The following PHF20 variants were observed in gnomAD, a reference collection of about 807,000 sequenced individuals.
The protein encoded by PHF20 is glioma-expressed antigen 2.
Under a neutral mutation model 113.5 loss-of-function variants are expected in PHF20, and 23 were observed. That is an observed-to-expected ratio of 0.20 (90% CI 0.15 to 0.29). PHF20 has a LOEUF of 0.29. Among genes scored for constraint, PHF20 ranks in the 10% least tolerant of loss-of-function variants. PHF20 has a pLI of 1.00. For synonymous variants in PHF20, 434 were observed against 457.3 expected (o/e 0.95, Z 0.65); for missense variants, 943 against 1,219.6 (o/e 0.77, Z 3.38).
rs567022529 is a variant in PHF20 at position 35,865,535 on chromosome 20, C to T, written c.808+2135C>T. On this transcript the variant is annotated intron_variant, in intron 6 of 17. Coordinates refer to ENST00000374012, the MANE Select transcript of PHF20 (RefSeq NM_016436.5). ...TTTTTTTTTTTTTGACAGGGTCTCA[C>T]TCTGTTACCTAGGCTGGAGTGCAGT... 7.6e-5 allele frequency among the ~76,000 whole-genome samples: 9 copies of T among 118,004 alleles called. No homozygotes were observed. In the East Asian group the frequency reaches 2.1e-3, roughly 28 times the overall value. 77.4% of individuals were successfully genotyped at this position (118,004 alleles called of 152,430 possible).
In PHF20 at chr20:35,949,236, G is replaced by C. The variant is rs2056136643; in HGVS notation, c.*1609G>C. 1 of 152,416 alleles carries C rather than the reference G, an allele frequency of 6.6e-6. No individual in the cohort carries two copies. The highest frequency in any genetic ancestry group is 6.5e-5 in the Admixed American group (1 of 15,284). 9.4% of individuals were successfully genotyped at this position (152,416 alleles called of 1,614,324 possible). ...CTCACTGCTAACGTTGGTGTTTCTG[G>C]CGTGGGAAGAAATGCACAGGCGTGC... On this transcript the variant is annotated 3_prime_UTR_variant, in exon 18 of 18. Coordinates refer to ENST00000374012, the MANE Select transcript of PHF20 (RefSeq NM_016436.5).
At chr20:35,859,206 T>G (rs1350353649) in intron 5 of PHF20, among the ~76,000 whole-genome samples, 1 of 152,218 alleles carries the variant, frequency 6.6e-6, no homozygotes, top group Non-Finnish European at 1.5e-5. Flanking sequence ...TCACCATGCA[T>G]GTACTTGCCT....
chr20:35,870,884 T>C lies in PHF20; in HGVS notation c.923-71T>C, dbSNP rs1216483723. ...AAGTCCTTTTAGAGACATCCAGCCCTGAAATCTGTAGTAGCACAGTTATTT... is the reference window on the plus strand; with the variant it reads ...AAGTCCTTTTAGAGACATCCAGCCCCGAAATCTGTAGTAGCACAGTTATTT... On this transcript the variant is annotated intron_variant, in intron 7 of 17. Coordinates refer to ENST00000374012, the MANE Select transcript of PHF20 (RefSeq NM_016436.5). 3.4e-6 allele frequency: 4 copies of C among 1,174,598 alleles called. No individual in the cohort carries two copies. The African/African-American group carries it at 6.2e-5, about 18-fold the overall frequency. The allele number at this position is 1,174,598 out of a possible 1,614,324, so 72.8% of individuals were successfully genotyped here. A position where few individuals can be genotyped will look rare whatever the true frequency, so the allele number is the denominator to read the frequency against.
intron 1 of PHF20, among the ~76,000 whole-genome samples, chr20:35,789,517 G>A (rs2041495293): frequency 6.6e-6 from 1 of 151,730 alleles, no homozygotes; most frequent in Non-Finnish European, 1.5e-5. Context: ...AGGAGTATGG[G>A]TGGTAAGAAC....
intron 12 of PHF20, among the ~76,000 whole-genome samples, chr20:35,916,051 C>CA (rs1227897387): frequency 1.3e-5 from 2 of 152,180 alleles, no homozygotes; most frequent in African/African-American, 2.4e-5. Flanking sequence ...GTGGGAGGAA[C>CA]ACCTCAGCCC....
In PHF20 at chr20:35,848,094, G is replaced by T. The variant is rs544124222; in HGVS notation, c.340+660G>T. Among the ~76,000 whole-genome samples the T allele has an allele frequency of 9.9e-5, 15 of 152,278 alleles. No individual in the cohort carries two copies. The South Asian group carries it at 3.1e-3, about 32-fold the overall frequency. On this transcript the variant is annotated intron_variant, in intron 4 of 17. Transcript: ENST00000374012. Reference sequence around the variant, plus strand: ...AGCACATTCCACTAGGGTGTGTGTGGTCTCCATGATCTCTGAAGTGAGTGT... The same window carrying T: ...AGCACATTCCACTAGGGTGTGTGTGTTCTCCATGATCTCTGAAGTGAGTGT...
intron 6 of PHF20, among the ~76,000 whole-genome samples, chr20:35,865,497 G>GTTT (rs201623482): frequency 0.028 from 2,658 of 96,428 alleles, 188 homozygotes; most frequent in South Asian, 0.053. Context: ...TTTAAGTTGT[G>GTTT]TTTTTTTTTT....
intron 17 of PHF20, 130 bp from the exon 18 acceptor site, chr20:35,947,355 A>G (rs2056103743): frequency 2.4e-6 from 2 of 841,192 alleles, no homozygotes; most frequent in Non-Finnish European, 3.6e-6. Flanking sequence ...CCCTTGCCCC[A>G]TGGAGGCTGA....
At chr20:35,917,708 T>A (rs753689026) in intron 13 of PHF20, 46 bp downstream of exon 13, 2 of 1,530,494 alleles carry the variant, frequency 1.3e-6, no homozygotes, top group Admixed American at 3.9e-5. Flanking sequence ...CACAAACTGG[T>A]CCTTGGAGGG....
In PHF20 at chr20:35,917,533, T is replaced by C. The variant is rs1444194437; in HGVS notation, c.1875T>C (p.Asp625=). ...ESSSESFLWS[D]DEYGQDVDVT... Reference sequence around the variant, plus strand: ...CTTCTGAGAGCTTTCTCTGGAGTGATGATGAGTATGGCCAAGATGTGGATG... The same window carrying C: ...CTTCTGAGAGCTTTCTCTGGAGTGACGATGAGTATGGCCAAGATGTGGATG... Residue 625 remains aspartate (D), a synonymous_variant, in exon 13 of 18, where the codon GAT becomes GAC. Transcript: ENST00000374012. 1 of 1,613,996 alleles carries C rather than the reference T, an allele frequency of 6.2e-7. No homozygotes were observed. The highest frequency in any genetic ancestry group is 8.5e-7 in the Non-Finnish European group (1 of 1,179,996).
Position 35,947,626 on chromosome 20 carries a change from G to A in PHF20, c.3038G>A (p.Ter1013=). 3 of 1,612,912 alleles carry A rather than the reference G, an allele frequency of 1.9e-6. No homozygotes were observed. Among genetic ancestry groups the A allele is most frequent in the Non-Finnish European group, 2.5e-6 (3 of 1,179,224 alleles). ...CAGATCGCCCTCTGCTGCTCAACAT[G>A]AAACTGGGCACCCAAAACTCATGGG... is the stretch of plus-strand genomic sequence containing the variant. ...VQQIALCCST[*] The change falls in exon 18 of 18, where the codon TGA becomes TAA. Residue 1013 remains the stop codon, a stop_retained_variant. Coordinates refer to ENST00000374012, the MANE Select transcript of PHF20 (RefSeq NM_016436.5).
intron 9 of PHF20, among the ~76,000 whole-genome samples, chr20:35,899,010 A>G (rs1396590473): frequency 6.6e-6 from 1 of 152,080 alleles, no homozygotes; most frequent in Non-Finnish European, 1.5e-5. Context: ...TGGCCTCCCA[A>G]AGTACTAGGA....
intron 7 of PHF20, 81 bp from the exon 8 acceptor site, chr20:35,870,874 C>A: frequency 3.0e-6 from 3 of 989,712 alleles, no homozygotes; most frequent in Admixed American, 2.9e-5. Flanking sequence ...CTTTTAGAGA[C>A]ATCCAGCCCT....
chr20:35,918,761 T>A (rs1054366890), intron 13 of PHF20, among the ~76,000 whole-genome samples: 1 of 152,136 alleles, frequency 6.6e-6, no homozygotes, highest in African/African-American at 2.4e-5. Flanking sequence ...AGTTGTCTGA[T>A]CTGGTGGTAG....
rs559742716 is a variant in PHF20, at chr20:35,935,051, G to T, written c.2300+3607G>T. Among the ~76,000 whole-genome samples the T allele has an allele frequency of 1.3e-3, 195 of 152,054 alleles. 1 individual carries two copies. Among genetic ancestry groups the T allele is most frequent in the African/African-American group, 4.3e-3 (178 of 41,472 alleles). On this transcript the variant is annotated intron_variant, in intron 15 of 17. Transcript: ENST00000374012. ...AAAAATTTTTTTTTTTTAAGAGATG[G>T]AGTCTTTCTGTGTTGCCCAGGCTGG...
chr20:35,911,322 A>G (rs530134327), intron 10 of PHF20, among the ~76,000 whole-genome samples: 51 of 152,318 alleles, frequency 3.3e-4, no homozygotes, highest in Admixed American at 6.5e-4. Context: ...GATTACCGGC[A>G]TGAGCCACTG....
At chr20:35,843,102 A>G (rs762631514) in intron 3 of PHF20, among the ~76,000 whole-genome samples, 1 of 151,940 alleles carries the variant, frequency 6.6e-6, no homozygotes, top group Non-Finnish European at 1.5e-5. Flanking sequence ...GGGTTTTGCC[A>G]TCTTGGCCAG....
intron 17 of PHF20, among the ~76,000 whole-genome samples, chr20:35,944,975 G>T (rs1442821275): frequency 2.0e-5 from 3 of 152,116 alleles, no homozygotes; most frequent in Non-Finnish European, 4.4e-5. Flanking sequence ...TGCTCAGCAG[G>T]CCACTAGTTC....
At chr20:35,795,576 G>T (rs551681206) in intron 1 of PHF20, among the ~76,000 whole-genome samples, 16 of 152,108 alleles carry the variant, frequency 1.1e-4, no homozygotes, top group Admixed American at 8.5e-4. Flanking sequence ...TAGGGGTTTT[G>T]CAGACCTTTC....
Sources: gnomAD v4.1 joint callset for allele counts (sites outside exome capture counted in the v4.1 genomes callset) on GRCh38, gnomAD v4.1.1 for gene constraint, MANE v1.5 for transcripts, NCBI Gene and HGNC (gene_info 2026-07-23, HGNC 2026-07-21) for gene names.